Variants in ACSL4 observed in about 807,000 individuals in gnomAD.
ACSL4 encodes the protein acyl-CoA synthetase long chain family member 4.
Under a neutral mutation model 49.1 loss-of-function variants are expected in ACSL4, and 9 were observed. That is an observed-to-expected ratio of 0.18 (90% confidence interval 0.11 to 0.32). ACSL4 has a LOEUF of 0.32. Among genes scored for constraint, ACSL4 ranks in the 10% least tolerant of loss-of-function variants. The pLI is 1.00. For missense variants in ACSL4, 333 were observed against 493.7 expected, an observed-to-expected ratio of 0.67 and a Z score of 3.08; for synonymous variants, 191 against 170.3, an observed-to-expected ratio of 1.12 and a Z score of -0.95.
At chrX:109,713,167 T>C (rs956713461) in intron 1 of ACSL4, among the ~76,000 whole-genome samples, 1 of 111,117 alleles carries the variant, frequency 9.0e-6, no homozygotes, top group Non-Finnish European at 1.9e-5. Flanking sequence ...AGCTTGTCTA[T>C]AACGTGCCAC....
At chrX:109,686,092 T>C (rs996980917) in intron 2 of ACSL4, among the ~76,000 whole-genome samples, 14 of 111,953 alleles carry the variant, frequency 1.3e-4, no homozygotes, top group African/African-American at 4.2e-4. Context: ...TAATGCTGAA[T>C]GTAAGATCCC....
chrX:109,647,701 C>T (rs1934789619), intron 15 of ACSL4, among the ~76,000 whole-genome samples: 1 of 110,912 alleles, frequency 9.0e-6, no homozygotes, highest in African/African-American at 3.3e-5. Context: ...AATAGAGACA[C>T]AAAAAACCCT....
At chrX:109,725,559 G>A (rs925791341) in intron 1 of ACSL4, among the ~76,000 whole-genome samples, 3 of 110,382 alleles carry the variant, frequency 2.7e-5, no homozygotes, top group Admixed American at 9.7e-5. Flanking sequence ...TCAGGAGATC[G>A]AGACCATCCT....
intron 1 of ACSL4, among the ~76,000 whole-genome samples, chrX:109,705,782 C>A (rs1926306465): frequency 8.9e-6 from 1 of 112,696 alleles, no homozygotes; most frequent in African/African-American, 3.2e-5. Context: ...ACCACAACCT[C>A]CACCTCCCGG....
intron 15 of ACSL4, among the ~76,000 whole-genome samples, chrX:109,651,594 G>C (rs779504201): frequency 4.7e-4 from 53 of 112,025 alleles, no homozygotes; most frequent in Non-Finnish European, 9.0e-4. Flanking sequence ...CAGTTACACA[G>C]AGTTTCATAA....
chrX:109,725,741 AAAAATAAAATAAAAT>A (rs774145372), intron 1 of ACSL4, among the ~76,000 whole-genome samples: 1 of 111,467 alleles, frequency 9.0e-6, no homozygotes, highest in Non-Finnish European at 1.9e-5. Context: ...CTCCATCTCA[AAAAATAAAATAAAAT>A]AAAATAAAAT....
rs150830103 is a variant in ACSL4 at position 109,663,478 on chromosome X, G to C, written c.1391-76C>G. 4.2e-5 allele frequency: 38 copies of C among 911,660 alleles called. 1 individual carries two copies. The highest frequency in any genetic ancestry group is 6.7e-4 in the Middle Eastern group (2 of 2,968). The allele number at this position is 911,660 out of a possible 1,213,427, so 75.1% of individuals were successfully genotyped here. A position where few individuals can be genotyped will look rare whatever the true frequency, so the allele number is the denominator to read the frequency against. ...ATTCTTAAAGCTTATACGTATGTTA[G>C]TATTTTTCTGCTGATCAGATTTTAT... On this transcript the variant is annotated intron_variant, in intron 12 of 15. Coordinates refer to ENST00000672401, the MANE Select transcript of ACSL4 (RefSeq NM_001318510.2).
chrX:109,683,509 T>G, intron 2 of ACSL4, 134 bp from the exon 3 acceptor site: 1 of 1,145,223 alleles, frequency 8.7e-7, no homozygotes, highest in Non-Finnish European at 1.2e-6. Context: ...TCTAAAATGG[T>G]GCTTATTTCT....
At chrX:109,702,084 G>A (rs1359529492) in intron 1 of ACSL4, among the ~76,000 whole-genome samples, 1 of 107,375 alleles carries the variant, frequency 9.3e-6, no homozygotes, top group Non-Finnish European at 1.9e-5. Flanking sequence ...GCGTGGTGGT[G>A]GACGCCTGTA....
chrX:109,657,827 C>A (rs945455709), intron 15 of ACSL4, among the ~76,000 whole-genome samples: 2 of 111,593 alleles, frequency 1.8e-5, no homozygotes, highest in Admixed American at 1.9e-4. Context: ...AGTTTACAGT[C>A]CCACCAACAG....
chrX:109,658,323 G>A (rs1921865969), intron 15 of ACSL4, among the ~76,000 whole-genome samples: 1 of 111,090 alleles, frequency 9.0e-6, no homozygotes, highest in South Asian at 3.7e-4. Context: ...CCACCCCCCA[G>A]TCTAGGTATC....
At chrX:109,705,792 G>A (rs1178669187) in intron 1 of ACSL4, among the ~76,000 whole-genome samples, 1 of 112,453 alleles carries the variant, frequency 8.9e-6, no homozygotes, top group African/African-American at 3.2e-5. Flanking sequence ...CCACCTCCCG[G>A]GTTCAAGCGA....
At chrX:109,684,174 C>T (rs929701689) in intron 2 of ACSL4, among the ~76,000 whole-genome samples, 5 of 112,287 alleles carry the variant, frequency 4.5e-5, no homozygotes, top group South Asian at 7.3e-4. Flanking sequence ...AAACCTTATT[C>T]TGAGTTCTTC....
rs1056453045 is a variant in ACSL4, at chrX:109,643,209, T to C, written c.*820A>G. 1 of 112,113 alleles carries C rather than the reference T, an allele frequency of 8.9e-6. No individual in the cohort carries two copies. Among genetic ancestry groups the C allele is most frequent in the Non-Finnish European group, 1.9e-5 (1 of 53,090 alleles). 9.2% of individuals were successfully genotyped at this position (112,113 alleles called of 1,213,427 possible). ...AGAGAAAATGTTTGCCTGTTAACTT[T>C]TTACCTTCCTTGCTCTTGGTCTCAG... On this transcript the variant is annotated 3_prime_UTR_variant, in exon 16 of 16. Transcript: ENST00000672401.
rs201395146 is a variant in ACSL4 at position 109,681,151 on chromosome X, GA to G, written c.517-16del. ...AACAATGCAGTCTGTTGAGCAGAAA[GA>G]AAAAAAAACAGCTATTAAACTTAAG... On this transcript the variant is annotated splice_polypyrimidine_tract_variant and intron_variant, in intron 5 of 15. Transcript: ENST00000672401. 2.7e-5 allele frequency: 32 copies of G among 1,178,725 alleles called. No individual in the cohort carries two copies. In the South Asian group the frequency reaches 2.9e-4, roughly 11 times the overall value.
At chrX:109,718,344 CAAT>C (rs1927281036) in intron 1 of ACSL4, among the ~76,000 whole-genome samples, 1 of 112,451 alleles carries the variant, frequency 8.9e-6, no homozygotes, top group South Asian at 3.6e-4. Flanking sequence ...TGTTATATAA[CAAT>C]AATCCCAACT....
chrX:109,686,890 T>C (rs1924656258), intron 2 of ACSL4, among the ~76,000 whole-genome samples: 1 of 110,487 alleles, frequency 9.1e-6, no homozygotes, highest in African/African-American at 3.3e-5. Context: ...TTTCTGCAGG[T>C]AGTGAGGGGG....
intron 1 of ACSL4, among the ~76,000 whole-genome samples, chrX:109,696,930 A>G (rs972355771): frequency 7.2e-5 from 8 of 111,547 alleles, no homozygotes; most frequent in Admixed American, 6.7e-4. Context: ...TGTAGTCCCA[A>G]CTACTCAGGA....
intron 1 of ACSL4, among the ~76,000 whole-genome samples, chrX:109,732,537 A>G (rs1385671414): frequency 9.0e-6 from 1 of 111,478 alleles, no homozygotes; most frequent in African/African-American, 3.3e-5. Flanking sequence ...GGGGTGGGGG[A>G]AGGAAGGAAA....
Sources: gnomAD v4.1 joint callset for allele counts (sites outside exome capture counted in the v4.1 genomes callset) on GRCh38, gnomAD v4.1.1 for gene constraint, MANE v1.5 for transcripts, NCBI Gene and HGNC (gene_info 2026-07-23, HGNC 2026-07-21) for gene names.